KIF6: variants seen among roughly 807,000 people sequenced by gnomAD.
KIF6 encodes kinesin-like protein KIF6.
KIF6 carries 106 observed loss-of-function variants against 112.7 expected under a neutral mutation model. The ratio of observed to expected loss-of-function variants is 0.94; its 90% confidence interval spans 0.80 to 1.11. The LOEUF (loss-of-function observed/expected upper bound fraction) is 1.11, where lower values mean the gene tolerates loss of function less well. Among genes scored for constraint, KIF6 ranks in the 50% least tolerant of loss-of-function variants. The pLI is 0.00. For missense variants in KIF6, 929 were observed against 964.0 expected, an observed-to-expected ratio of 0.96 and a Z score of 0.48; for synonymous variants, 339 against 339.9, an observed-to-expected ratio of 1.00 and a Z score of 0.03.
intron 10 of KIF6, among the ~76,000 whole-genome samples, chr6:39,563,212 G>T (rs1285207262): frequency 6.6e-6 from 1 of 152,150 alleles, no homozygotes; most frequent in African/African-American, 2.4e-5. Context: ...CTCCAGCCTG[G>T]GTGATAGAGT....
In KIF6 at chr6:39,578,144, G is replaced by A; in HGVS notation, c.1093C>T (p.Gln365Ter). Residue 365 changes from glutamine (Q) to a stop codon, truncating the protein, a stop_gained, in exon 10 of 23, where the codon CAA (glutamine) becomes TAA (stop). Coordinates refer to ENST00000287152, the MANE Select transcript of KIF6 (RefSeq NM_145027.6). LOFTEE classifies it high-confidence loss of function. ...TCCTTCAGTTCCTGGATTTCCTTTT[G>A]TAGGCGTTTAATCACCTACAAATGG... The part of the protein sequence containing the change: ...INPRLVIKRL[Q>*]KEIQELKDEL... 6.2e-7 allele frequency: 1 copy of A among 1,613,326 alleles called. No homozygotes were observed. The highest frequency in any genetic ancestry group is 8.5e-7 in the Non-Finnish European group (1 of 1,179,340).
rs140640917 is a variant in KIF6, at chr6:39,540,861, G to A, written c.1427-640C>T. 8.8e-3 allele frequency among the ~76,000 whole-genome samples: 1,340 copies of A among 152,338 alleles called. 21 individuals carry two copies. Among genetic ancestry groups the A allele is most frequent in the African/African-American group, 0.031 (1,281 of 41,576 alleles). ...TAGCACAGACATATCATTTTAAAAT[G>A]CACCTTCTGTAGGCCATTGAGATAT... On this transcript the variant is annotated intron_variant, in intron 12 of 22. Coordinates refer to ENST00000287152, the MANE Select transcript of KIF6 (RefSeq NM_145027.6).
chr6:39,471,965 G>A (rs1407011515), intron 13 of KIF6, among the ~76,000 whole-genome samples: 5 of 152,122 alleles, frequency 3.3e-5, no homozygotes, highest in South Asian at 2.1e-4. Flanking sequence ...TGAAGTACCC[G>A]TGGCACTTAG....
chr6:39,606,059 C>T (rs1782866118), intron 6 of KIF6, among the ~76,000 whole-genome samples: 1 of 151,640 alleles, frequency 6.6e-6, no homozygotes, highest in South Asian at 2.1e-4. Context: ...TTTCTAGATA[C>T]ACCTTCTCTC....
At chr6:39,359,062 A>T (rs1562128696) in intron 18 of KIF6, among the ~76,000 whole-genome samples, 2 of 152,172 alleles carry the variant, frequency 1.3e-5, no homozygotes, top group Non-Finnish European at 2.9e-5. Context: ...TTATCCAAAT[A>T]TTCTTCTCCA....
At chr6:39,557,058 C>CACATATATATGTGCACATATATATGT (rs1779742888) in intron 10 of KIF6, among the ~76,000 whole-genome samples, 1 of 151,696 alleles carries the variant, frequency 6.6e-6, no homozygotes, top group Non-Finnish European at 1.5e-5. Context: ...CATACATATG[C>CACATATATATGTGCACATATATATGT]ACATATATAT....
chr6:39,334,021 A>C lies in KIF6; in HGVS notation c.*2511T>G, dbSNP rs1054819864. Reference sequence around the variant, plus strand: ...ACTCTGGGAAGGTGCACTGCTGTCAAGCATGTGTCCATATCAAAGGCTGGG... The same window carrying C: ...ACTCTGGGAAGGTGCACTGCTGTCACGCATGTGTCCATATCAAAGGCTGGG... On this transcript the variant is annotated 3_prime_UTR_variant, in exon 23 of 23. Coordinates refer to ENST00000287152, the MANE Select transcript of KIF6 (RefSeq NM_145027.6). The C allele has an allele frequency of 7.2e-5, 11 of 152,374 alleles. No homozygotes were observed. Among genetic ancestry groups the C allele is most frequent in the African/African-American group, 2.6e-4 (11 of 41,590 alleles). The allele number at this position is 152,374 out of a possible 1,614,324, so 9.4% of individuals were successfully genotyped here. A position where few individuals can be genotyped will look rare whatever the true frequency, so the allele number is the denominator to read the frequency against.
At chr6:39,679,023 A>G (rs993422987) in intron 3 of KIF6, among the ~76,000 whole-genome samples, 5 of 152,248 alleles carry the variant, frequency 3.3e-5, no homozygotes, top group Non-Finnish European at 7.3e-5. Flanking sequence ...GCAGAATTTT[A>G]AAAGGAAGAA....
At chr6:39,352,943 C>T (rs1321703729) in intron 19 of KIF6, among the ~76,000 whole-genome samples, 3 of 152,120 alleles carry the variant, frequency 2.0e-5, no homozygotes, top group Non-Finnish European at 2.9e-5. Flanking sequence ...TTTATTCATT[C>T]ACTTTTTGGA....
At chr6:39,410,136 C>A (rs1769378787) in intron 15 of KIF6, among the ~76,000 whole-genome samples, 1 of 152,246 alleles carries the variant, frequency 6.6e-6, no homozygotes, top group Non-Finnish European at 1.5e-5. Context: ...TGTGGCTCTG[C>A]ATCCAGGAGT....
rs533810618 is a variant in KIF6, at chr6:39,363,911, T to C, written c.1862-1393A>G. ...TGCAGGGATGAGGAGCTCACTACTTTGCAGGGTAGTGCATTTCATGGCGGA... is the reference window on the plus strand; with the variant it reads ...TGCAGGGATGAGGAGCTCACTACTTCGCAGGGTAGTGCATTTCATGGCGGA... On this transcript the variant is annotated intron_variant, in intron 16 of 22. Transcript: ENST00000287152. Among the ~76,000 whole-genome samples the C allele has an allele frequency of 3.3e-5, 5 of 152,320 alleles. No individual in the cohort carries two copies. The South Asian group carries it at 1.0e-3, about 32-fold the overall frequency.
intron 10 of KIF6, among the ~76,000 whole-genome samples, chr6:39,555,152 C>T (rs921815077): frequency 1.3e-5 from 2 of 152,138 alleles, no homozygotes; most frequent in South Asian, 2.1e-4. Flanking sequence ...AGCTCCAGCC[C>T]CCTGCACCAT....
At chr6:39,558,736 G>A (rs905448444) in intron 10 of KIF6, among the ~76,000 whole-genome samples, 1 of 152,120 alleles carries the variant, frequency 6.6e-6, no homozygotes, top group Admixed American at 6.5e-5. Context: ...GAGCTGTCTA[G>A]GCCAAAAGAA....
At chr6:39,428,270 G>A (rs2150376864) in intron 14 of KIF6, among the ~76,000 whole-genome samples, 1 of 152,320 alleles carries the variant, frequency 6.6e-6, no homozygotes, top group Non-Finnish European at 1.5e-5. Flanking sequence ...AGTCCCTGGT[G>A]TAAGCTAAGA....
chr6:39,554,538 C>G (rs1779579325), intron 10 of KIF6: 1 of 153,890 alleles, frequency 6.5e-6, no homozygotes, highest in Non-Finnish European at 1.5e-5. Context: ...TTGACCACCC[C>G]TTACCTCTGA....
chr6:39,650,522 T>C (rs1394845784), intron 3 of KIF6, among the ~76,000 whole-genome samples: 1 of 151,612 alleles, frequency 6.6e-6, no homozygotes, highest in Non-Finnish European at 1.5e-5. Flanking sequence ...TACATTATTT[T>C]ATCTTATTTA....
chr6:39,482,381 T>A (rs1009171059), intron 13 of KIF6, among the ~76,000 whole-genome samples: 4 of 152,166 alleles, frequency 2.6e-5, no homozygotes, highest in African/African-American at 9.7e-5. Context: ...ACTTGAGTTC[T>A]CCAAGAGAAA....
At chr6:39,417,422 C>CT (rs1346617395) in intron 15 of KIF6, among the ~76,000 whole-genome samples, 1 of 152,208 alleles carries the variant, frequency 6.6e-6, no homozygotes, top group Non-Finnish European at 1.5e-5. Flanking sequence ...TTCTTGGCAG[C>CT]AATGGAAGCT....
At chr6:39,545,442 A>G in intron 11 of KIF6, 141 bp downstream of exon 11, 2 of 595,094 alleles carry the variant, frequency 3.4e-6, no homozygotes, top group Non-Finnish European at 6.0e-6. Context: ...TGATAATCAT[A>G]CTATTGATTC....
Sources: gnomAD v4.1 joint callset for allele counts (sites outside exome capture counted in the v4.1 genomes callset) on GRCh38, gnomAD v4.1.1 for gene constraint, MANE v1.5 for transcripts, NCBI Gene and HGNC (gene_info 2026-07-23, HGNC 2026-07-21) for gene names.